VIPR2: variants seen among roughly 807,000 people sequenced by gnomAD.
VIPR2 encodes the protein vasoactive intestinal polypeptide receptor 2.
VIPR2 carries 48 observed loss-of-function variants against 58.0 expected under a neutral mutation model. That is an observed-to-expected ratio of 0.83 (90% CI 0.66 to 1.05). The LOEUF (loss-of-function observed/expected upper bound fraction) is 1.05, where lower values mean the gene tolerates loss of function less well. VIPR2 is among the 50% of genes least tolerant of loss of function. The pLI, the probability that VIPR2 is intolerant of heterozygous loss-of-function variation, is 0.00. For synonymous variants in VIPR2, 243 were observed against 235.2 expected (o/e 1.03, Z -0.30); for missense variants, 534 against 558.0 (o/e 0.96, Z 0.43).
At chr7:159,062,959 A>C (rs1228358621) in intron 4 of VIPR2, among the ~76,000 whole-genome samples, 1 of 152,202 alleles carries the variant, frequency 6.6e-6, no homozygotes, top group Non-Finnish European at 1.5e-5. Flanking sequence ...GACACAGAAC[A>C]CTGATTGGTG....
At chr7:159,072,214 G>A (rs942726664) in intron 4 of VIPR2, among the ~76,000 whole-genome samples, 3 of 151,504 alleles carry the variant, frequency 2.0e-5, no homozygotes, top group African/African-American at 7.3e-5. Context: ...ATGAAGGCAC[G>A]ATGGTACCGG....
chr7:159,088,807 C>T (rs1402433689), intron 4 of VIPR2, among the ~76,000 whole-genome samples: 1 of 152,108 alleles, frequency 6.6e-6, no homozygotes, highest in Non-Finnish European at 1.5e-5. Flanking sequence ...AATCCCAGTG[C>T]CTCAGGCCTC....
intron 10 of VIPR2, 118 bp downstream of exon 10, chr7:159,034,095 G>T: frequency 2.1e-6 from 2 of 930,836 alleles, no homozygotes; most frequent in Non-Finnish European, 3.3e-6. Context: ...CAGCCTCGAG[G>T]TGTGACAGTG....
At chr7:159,077,591 C>T (rs11763380) in intron 4 of VIPR2, among the ~76,000 whole-genome samples, 2 of 137,776 alleles carry the variant, frequency 1.5e-5, no homozygotes, top group African/African-American at 2.6e-5. Context: ...CTTTGAGGTA[C>T]TACAGTGTAC....
intron 5 of VIPR2, among the ~76,000 whole-genome samples, chr7:159,052,665 T>C (rs1855076281): frequency 6.6e-6 from 1 of 152,190 alleles, no homozygotes; most frequent in South Asian, 2.1e-4. Context: ...CAAGCTGAGT[T>C]CAGCTATATA....
chr7:159,144,439 G>A (rs1289672142), intron 1 of VIPR2: 1 of 1,547,250 alleles, frequency 6.5e-7, no homozygotes, highest in Admixed American at 2.0e-5. Flanking sequence ...ACGCGTCCAG[G>A]AAGAAACGAT....
chr7:159,095,245 C>G lies in VIPR2; in HGVS notation c.357+8512G>C, dbSNP rs1285951230. 1.3e-5 allele frequency among the ~76,000 whole-genome samples: 2 copies of G among 152,186 alleles called. No homozygotes were observed. Among genetic ancestry groups the G allele is most frequent in the African/African-American group, 2.4e-5 (1 of 41,436 alleles). On this transcript the variant is annotated intron_variant, in intron 4 of 12. Transcript: ENST00000262178. This position sits in a 1 kb window ranked among gnomAD's most constrained non-coding sequence, Gnocchi z 5.2. Reference sequence around the variant, plus strand: ...ACATTTCCTAAATTTGATGACACTACTGAAGAGATTTAAGAGACCAGCCCT... The same window carrying G: ...ACATTTCCTAAATTTGATGACACTAGTGAAGAGATTTAAGAGACCAGCCCT...
At chr7:159,101,110 C>A (rs968635355) in intron 4 of VIPR2, among the ~76,000 whole-genome samples, 2 of 143,918 alleles carry the variant, frequency 1.4e-5, no homozygotes, top group African/African-American at 5.3e-5. Context: ...TCCGACGAGG[C>A]GGTTCCGACT....
intron 4 of VIPR2, among the ~76,000 whole-genome samples, chr7:159,087,558 T>A (rs548526712): frequency 1.6e-5 from 2 of 126,712 alleles, no homozygotes; most frequent in East Asian, 5.0e-4. Context: ...ACTCGGATAG[T>A]GAGATACGGC....
At position 159,031,180 on chromosome 7, in the gene VIPR2, G is replaced by T. The variant is rs1033757314; in HGVS notation, c.1144-391C>A. 6.6e-6 allele frequency among the ~76,000 whole-genome samples: 1 copy of T among 152,214 alleles called. No individual in the cohort carries two copies. Among genetic ancestry groups the T allele is most frequent in the African/African-American group, 2.4e-5 (1 of 41,470 alleles). On this transcript the variant is annotated intron_variant, in intron 12 of 12. Transcript: ENST00000262178. This position sits in a 1 kb window ranked among gnomAD's most constrained non-coding sequence, Gnocchi z 4.0. ...GGGCAGGGAATGTTAGCCCTGGGAG[G>T]GGGTGGGGATGAGTGAGGGGTGCCC...
At chr7:159,137,153 C>A (rs1797263625) in intron 2 of VIPR2, among the ~76,000 whole-genome samples, 1 of 152,110 alleles carries the variant, frequency 6.6e-6, no homozygotes, top group Non-Finnish European at 1.5e-5. Flanking sequence ...GGCCGCCCAC[C>A]CTGAATGGCT....
intron 5 of VIPR2, among the ~76,000 whole-genome samples, chr7:159,044,920 C>A (rs1854555735): frequency 1.3e-5 from 2 of 152,136 alleles, no homozygotes. Context: ...CACCTGCCAC[C>A]ATGACCAGCT....
intron 2 of VIPR2, among the ~76,000 whole-genome samples, chr7:159,122,706 A>G (rs999477272): frequency 1.8e-5 from 2 of 110,796 alleles, no homozygotes; most frequent in African/African-American, 3.2e-5. Flanking sequence ...TCTAAAATGC[A>G]GATGTAACAG....
rs200093809 is a variant in VIPR2 at position 159,080,523 on chromosome 7, C to G, written c.358-21945G>C. Among the ~76,000 whole-genome samples the G allele has an allele frequency of 2.4e-4, 37 of 152,284 alleles. 1 individual carries two copies. The East Asian group carries it at 5.6e-3, about 23-fold the overall frequency. On this transcript the variant is annotated intron_variant, in intron 4 of 12. Transcript: ENST00000262178. ...CACAGCCGATATCATACTGAATGGA[C>G]AAAAACTGGAAGCATTCCCTTTGAA...
intron 4 of VIPR2, among the ~76,000 whole-genome samples, chr7:159,091,209 A>G (rs1174112060): frequency 6.6e-6 from 1 of 152,264 alleles, no homozygotes; most frequent in Non-Finnish European, 1.5e-5. Flanking sequence ...GAACTGGAGC[A>G]ACACAAGTGA....
chr7:159,075,732 C>T (rs1388847532), intron 4 of VIPR2, among the ~76,000 whole-genome samples: 1 of 150,018 alleles, frequency 6.7e-6, no homozygotes, highest in Non-Finnish European at 1.5e-5. Context: ...GGGCCAGCAC[C>T]CACGGACCCA....
chr7:159,032,701 C>T (rs1157757880), intron 10 of VIPR2, among the ~76,000 whole-genome samples: 2 of 152,152 alleles, frequency 1.3e-5, no homozygotes, highest in African/African-American at 4.8e-5. Flanking sequence ...CTCGTGTGGC[C>T]TCAAGGGTGT....
chr7:159,058,393 G>A (rs1306941117), intron 5 of VIPR2, 88 bp downstream of exon 5: 4 of 1,039,654 alleles, frequency 3.8e-6, no homozygotes, highest in Non-Finnish European at 4.5e-6. Flanking sequence ...CACACAGAGG[G>A]CTCCAGGCTG....
intron 4 of VIPR2, among the ~76,000 whole-genome samples, chr7:159,077,681 G>C (rs1856707886): frequency 6.6e-6 from 1 of 150,902 alleles, no homozygotes; most frequent in African/African-American, 2.5e-5. Flanking sequence ...CCTGTTCAAT[G>C]TCTTTGAGGT....
Sources: gnomAD v4.1 joint callset for allele counts (sites outside exome capture counted in the v4.1 genomes callset) on GRCh38, gnomAD v4.1.1 for gene constraint, Gnocchi (gnomAD v3.1) non-coding constraint, MANE v1.5 for transcripts, NCBI Gene and HGNC (gene_info 2026-07-23, HGNC 2026-07-21) for gene names.